The following CA10 variants were observed in gnomAD, a reference collection of about 807,000 sequenced individuals.
The protein encoded by CA10 is carbonic anhydrase 10 (inactive).
Under a neutral mutation model 44.2 loss-of-function variants are expected in CA10, and 14 were observed. The observed-to-expected ratio is 0.32, with a 90% CI of 0.21 to 0.50. The LOEUF (loss-of-function observed/expected upper bound fraction) is 0.50. CA10 is among the 20% of genes least tolerant of loss of function. The probability of loss-of-function intolerance (pLI) is 0.99; values close to 1 mark genes in which losing one functional copy is unlikely to be tolerated. For synonymous variants in CA10, 159 were observed against 141.6 expected (o/e 1.12, Z -0.87); for missense variants, 350 against 409.7 (o/e 0.85, Z 1.26).
At chr17:52,037,958 C>T (rs1986665183) in intron 2 of CA10, among the ~76,000 whole-genome samples, 1 of 151,804 alleles carries the variant, frequency 6.6e-6, no homozygotes, top group South Asian at 2.1e-4. Flanking sequence ...TTTTTCACAA[C>T]CTACACTCCT....
intron 4 of CA10, among the ~76,000 whole-genome samples, chr17:51,733,129 G>C (rs1916779717): frequency 6.6e-6 from 1 of 152,244 alleles, no homozygotes. Context: ...CCAGAGGACA[G>C]TGGCAGGATT....
intron 1 of CA10, among the ~76,000 whole-genome samples, chr17:52,119,141 A>T (rs111557903): frequency 2.6e-5 from 4 of 152,348 alleles, no homozygotes; most frequent in African/African-American, 9.6e-5. Context: ...TAATTGAATA[A>T]AGTACAATTC....
At chr17:51,679,277 T>TGG (rs35328457) in intron 4 of CA10, among the ~76,000 whole-genome samples, 1 of 149,552 alleles carries the variant, frequency 6.7e-6, no homozygotes, top group Non-Finnish European at 1.5e-5. Flanking sequence ...TTTTTTTTTT[T>TGG]GGGATGGAGT....
intron 3 of CA10, among the ~76,000 whole-genome samples, chr17:51,896,097 C>A (rs1981056364): frequency 6.6e-6 from 1 of 151,778 alleles, no homozygotes; most frequent in African/African-American, 2.4e-5. Context: ...TTATTCTAAG[C>A]TTTTATATTG....
chr17:52,104,042 G>C (rs149337525), intron 1 of CA10, among the ~76,000 whole-genome samples: 1 of 152,146 alleles, frequency 6.6e-6, no homozygotes, highest in Non-Finnish European at 1.5e-5. Context: ...CATAAAATGA[G>C]GATAATTAAA....
At chr17:51,941,159 A>G (rs1428697353) in intron 2 of CA10, among the ~76,000 whole-genome samples, 2 of 152,142 alleles carry the variant, frequency 1.3e-5, no homozygotes, top group Admixed American at 6.6e-5. Flanking sequence ...ATTTGAACCC[A>G]GGTCTAAAAT....
chr17:51,928,111 T>C (rs1428718807), intron 3 of CA10, among the ~76,000 whole-genome samples: 2 of 152,170 alleles, frequency 1.3e-5, no homozygotes, highest in African/African-American at 2.4e-5. Context: ...GATACTTGCA[T>C]ATATCTAATG....
At chr17:52,084,935 C>T (rs1988079591) in intron 1 of CA10, among the ~76,000 whole-genome samples, 1 of 152,196 alleles carries the variant, frequency 6.6e-6, no homozygotes. Flanking sequence ...CCTCTCCTCA[C>T]CTCTTCCAGC....
At chr17:51,941,345 C>T (rs187165468) in intron 2 of CA10, among the ~76,000 whole-genome samples, 11 of 152,278 alleles carry the variant, frequency 7.2e-5, no homozygotes, top group South Asian at 4.1e-4. Context: ...GTCTGGTTGA[C>T]GTAGGCATTA....
At chr17:51,730,638 A>G (rs1916679933) in intron 4 of CA10, among the ~76,000 whole-genome samples, 1 of 152,170 alleles carries the variant, frequency 6.6e-6, no homozygotes, top group African/African-American at 2.4e-5. Context: ...TGCCAGTATG[A>G]AAAAAATGCA....
At chr17:51,979,747 T>G (rs770324772) in intron 2 of CA10, among the ~76,000 whole-genome samples, 2 of 152,160 alleles carry the variant, frequency 1.3e-5, no homozygotes, top group Non-Finnish European at 2.9e-5. Flanking sequence ...TTACATGGAT[T>G]CCATGAAATG....
At chr17:51,696,371 G>A (rs746509144) in intron 4 of CA10, among the ~76,000 whole-genome samples, 6 of 151,980 alleles carry the variant, frequency 3.9e-5, no homozygotes, top group South Asian at 4.2e-4. Context: ...CAGGGTTTCC[G>A]TTTAATCTTG....
At chr17:51,790,765 C>T (rs999514295) in intron 3 of CA10, among the ~76,000 whole-genome samples, 1 of 152,144 alleles carries the variant, frequency 6.6e-6, no homozygotes, top group Admixed American at 6.5e-5. Flanking sequence ...AAGGTTCTAC[C>T]ATCTGTGCAT....
chr17:51,777,042 C>G (rs1310143668), intron 3 of CA10, among the ~76,000 whole-genome samples: 1 of 152,098 alleles, frequency 6.6e-6, no homozygotes, highest in African/African-American at 2.4e-5. Context: ...GATGAATCCA[C>G]TGCAAGAGAA....
intron 6 of CA10, among the ~76,000 whole-genome samples, chr17:51,636,417 A>G (rs1246710329): frequency 6.6e-6 from 1 of 152,208 alleles, no homozygotes; most frequent in African/African-American, 2.4e-5. Context: ...CAGAAGTGGC[A>G]CACATCACTT....
chr17:51,953,993 G>A (rs1352921164), intron 2 of CA10, among the ~76,000 whole-genome samples: 1 of 152,100 alleles, frequency 6.6e-6, no homozygotes, highest in African/African-American at 2.4e-5. Context: ...GTTGTGATTA[G>A]AGCTTCCACC....
chr17:51,688,356 T>C (rs1409673609), intron 4 of CA10, among the ~76,000 whole-genome samples: 1 of 152,246 alleles, frequency 6.6e-6, no homozygotes, highest in Admixed American at 6.5e-5. Flanking sequence ...TAATGAATTA[T>C]GCAGCAATGG....
intron 2 of CA10, among the ~76,000 whole-genome samples, chr17:51,947,953 G>T (rs1321774468): frequency 6.6e-6 from 1 of 152,072 alleles, no homozygotes; most frequent in East Asian, 1.9e-4. Flanking sequence ...AGAAAAAGTA[G>T]CTGGGGATAG....
intron 1 of CA10, among the ~76,000 whole-genome samples, chr17:52,079,383 C>T (rs1598203685): frequency 1.3e-5 from 2 of 150,292 alleles, no homozygotes; most frequent in South Asian, 2.1e-4. Flanking sequence ...CGCTTCAACC[C>T]GGGAGACGGA....
Sources: allele counts gnomAD v4.1 joint callset (sites outside exome capture counted in the v4.1 genomes callset), GRCh38; gene constraint gnomAD v4.1.1; transcripts MANE v1.5; gene names NCBI Gene and HGNC (gene_info 2026-07-23, HGNC 2026-07-21).